Variants in PTPRN2 observed in about 807,000 individuals in gnomAD.
The protein encoded by PTPRN2 is receptor-type tyrosine-protein phosphatase N2.
In PTPRN2, 74 loss-of-function variants were observed where a neutral mutation model predicts 118.8. The observed-to-expected ratio is 0.62, with a 90% CI of 0.52 to 0.76. PTPRN2 has a LOEUF of 0.76. Ranked by LOEUF, PTPRN2 falls within the 30% of genes least tolerant of loss-of-function variation. The pLI is 0.00. For synonymous variants in PTPRN2, 641 were observed against 608.0 expected, an observed-to-expected ratio of 1.05 and a Z score of -0.80; for missense variants, 1,481 against 1,394.4, an observed-to-expected ratio of 1.06 and a Z score of -0.99.
At chr7:158,048,160 A>C (rs1400166282) in intron 11 of PTPRN2, among the ~76,000 whole-genome samples, 2 of 151,892 alleles carry the variant, frequency 1.3e-5, no homozygotes, top group Non-Finnish European at 2.9e-5. Context: ...CACACAGGTC[A>C]GTACCATTCT....
intron 12 of PTPRN2, among the ~76,000 whole-genome samples, chr7:157,820,316 G>C (rs887404181): frequency 7.2e-6 from 1 of 139,308 alleles, no homozygotes; most frequent in Non-Finnish European, 1.5e-5. Context: ...ACCCACACAC[G>C]TTCACACACA....
At chr7:157,599,150 C>G (rs1801517774) in intron 16 of PTPRN2, among the ~76,000 whole-genome samples, 1 of 152,034 alleles carries the variant, frequency 6.6e-6, no homozygotes, top group Non-Finnish European at 1.5e-5. Context: ...GCTGGGATTA[C>G]AGGCGTGTGC....
intron 6 of PTPRN2, among the ~76,000 whole-genome samples, chr7:158,165,729 C>T (rs992388863): frequency 2.2e-4 from 33 of 152,200 alleles, no homozygotes; most frequent in Non-Finnish European, 3.4e-4. Flanking sequence ...TATCAGAACC[C>T]ACTGCAGGAT....
At chr7:157,667,978 T>G (rs1796226595) in intron 13 of PTPRN2, among the ~76,000 whole-genome samples, 1 of 152,208 alleles carries the variant, frequency 6.6e-6, no homozygotes, top group Non-Finnish European at 1.5e-5. Flanking sequence ...AGGACAGTGC[T>G]GCACCCAGAG....
chr7:157,803,391 C>T (rs1805440529), intron 12 of PTPRN2, among the ~76,000 whole-genome samples: 1 of 152,230 alleles, frequency 6.6e-6, no homozygotes, highest in African/African-American at 2.4e-5. Context: ...GGGCTGCCCT[C>T]TGGATTTGCT....
At chr7:158,388,519 G>A (rs571867788) in intron 2 of PTPRN2, among the ~76,000 whole-genome samples, 16 of 152,184 alleles carry the variant, frequency 1.1e-4, no homozygotes, top group African/African-American at 1.7e-4. Context: ...AGGGACGCAC[G>A]GGGCAGGGTG....
At chr7:157,586,846 G>A (rs1213435088) in intron 17 of PTPRN2, among the ~76,000 whole-genome samples, 2 of 152,258 alleles carry the variant, frequency 1.3e-5, no homozygotes, top group African/African-American at 4.8e-5. Context: ...GTAGCTGGGG[G>A]CCGTGAACCA....
intron 14 of PTPRN2, among the ~76,000 whole-genome samples, chr7:157,650,008 T>C (rs1320718254): frequency 2.0e-5 from 3 of 152,044 alleles, no homozygotes; most frequent in Non-Finnish European, 4.4e-5. Context: ...CCATTCACTG[T>C]GCACTGAACT....
Position 158,340,744 on chromosome 7 carries a change from T to A in PTPRN2, c.164-23812A>T, listed in dbSNP as rs1401428330. ...CACACTCACCATAAGAGGTGACACA[T>A]GCAGACGTCACACACACCCACACTC... On this transcript the variant is annotated intron_variant, in intron 2 of 22. Coordinates refer to ENST00000389418, the MANE Select transcript of PTPRN2 (RefSeq NM_002847.5). Among the ~76,000 whole-genome samples the A allele has an allele frequency of 3.2e-5, 2 of 61,676 alleles. 1 individual carries two copies. The highest frequency in any genetic ancestry group is 6.3e-5 in the Non-Finnish European group (2 of 31,888). The allele number at this position is 61,676 out of a possible 152,430, so 40.5% of individuals were successfully genotyped here. A position where few individuals can be genotyped will look rare whatever the true frequency, so the allele number is the denominator to read the frequency against.
At chr7:157,727,779 G>A (rs1301081694) in intron 12 of PTPRN2, among the ~76,000 whole-genome samples, 2 of 152,222 alleles carry the variant, frequency 1.3e-5, no homozygotes, top group Admixed American at 6.5e-5. Flanking sequence ...GGCGTGAGCC[G>A]TGAGCAGTGA....
At chr7:158,479,714 A>G (rs1277286883) in intron 2 of PTPRN2, among the ~76,000 whole-genome samples, 3 of 152,236 alleles carry the variant, frequency 2.0e-5, no homozygotes, top group East Asian at 1.9e-4. Context: ...CTGAGGCCAC[A>G]TGGCGGAGAG....
Position 157,835,309 on chromosome 7 carries a change from C to T in PTPRN2, c.1788+63364G>A, listed in dbSNP as rs893463008. 1.3e-5 allele frequency among the ~76,000 whole-genome samples: 2 copies of T among 152,110 alleles called. 1 individual carries two copies. Among genetic ancestry groups the T allele is most frequent in the South Asian group, 4.2e-4 (2 of 4,818 alleles). ...AAAACAGGGTGTCATAAAAACAGAA[C>T]CGTTACCAAGTTATGAAGGCAAAGA... On this transcript the variant is annotated intron_variant, in intron 12 of 22. Coordinates refer to ENST00000389418, the MANE Select transcript of PTPRN2 (RefSeq NM_002847.5).
At chr7:158,269,911 CAGAGAAACAG>C (rs1284154823) in intron 3 of PTPRN2, among the ~76,000 whole-genome samples, 1,399 of 113,328 alleles carry the variant, frequency 0.012, 20 homozygotes, top group African/African-American at 0.049. Context: ...GACATAGAGA[CAGAGAAACAG>C]AGAGACAGAG....
At chr7:158,309,180 G>C (rs563479630) in intron 3 of PTPRN2, among the ~76,000 whole-genome samples, 1 of 152,222 alleles carries the variant, frequency 6.6e-6, no homozygotes, top group African/African-American at 2.4e-5. Context: ...GCAAAGTATT[G>C]ATCCTGGGTG....
At chr7:158,012,900 A>G (rs1043119431) in intron 11 of PTPRN2, among the ~76,000 whole-genome samples, 11 of 152,106 alleles carry the variant, frequency 7.2e-5, no homozygotes, top group African/African-American at 2.7e-4. Flanking sequence ...CCCAAATCAA[A>G]CCCTCAGTTC....
At chr7:157,888,301 C>T (rs1379856029) in intron 12 of PTPRN2, among the ~76,000 whole-genome samples, 1 of 152,136 alleles carries the variant, frequency 6.6e-6, no homozygotes, top group Non-Finnish European at 1.5e-5. Context: ...AGCTCAGTCA[C>T]CTTACCCAAG....
chr7:158,545,567 A>G (rs1586915067), intron 1 of PTPRN2, among the ~76,000 whole-genome samples: 1 of 151,760 alleles, frequency 6.6e-6, no homozygotes, highest in African/African-American at 2.4e-5. Flanking sequence ...GGCTGTTCAC[A>G]CCCCGCTCCG....
chr7:157,731,079 C>A (rs966360643), intron 12 of PTPRN2, among the ~76,000 whole-genome samples: 4 of 152,154 alleles, frequency 2.6e-5, no homozygotes, highest in Admixed American at 1.3e-4. Context: ...AAACCCCCTG[C>A]AGTTCCCAGC....
chr7:158,406,715 C>T (rs556447081), intron 2 of PTPRN2, among the ~76,000 whole-genome samples: 3 of 152,386 alleles, frequency 2.0e-5, no homozygotes, highest in South Asian at 2.1e-4. Flanking sequence ...CTCTCATCCC[C>T]ATGCCACTGG....
Sources: gnomAD v4.1 joint callset for allele counts (sites outside exome capture counted in the v4.1 genomes callset) on GRCh38, gnomAD v4.1.1 for gene constraint, MANE v1.5 for transcripts, NCBI Gene and HGNC (gene_info 2026-07-23, HGNC 2026-07-21) for gene names.